The following LOC128462377 variants were observed in gnomAD, a reference collection of about 807,000 sequenced individuals.
the LOC128462377 span, among the ~76,000 whole-genome samples, chr16:89,399,525 G>A: frequency 6.6e-6 from 1 of 152,302 alleles, no homozygotes; most frequent in South Asian, 2.1e-4. Flanking sequence ...GGAGGGATGT[G>A]CAGCAGGAAC....
the LOC128462377 span, among the ~76,000 whole-genome samples, chr16:89,339,216 T>C: frequency 6.6e-6 from 1 of 152,238 alleles, no homozygotes; most frequent in Non-Finnish European, 1.5e-5. Context: ...TTCAGTCCAT[T>C]ATCACAATGA....
At chr16:89,344,874 A>G in the LOC128462377 span, among the ~76,000 whole-genome samples, 1 of 152,206 alleles carries the variant, frequency 6.6e-6, no homozygotes, top group Non-Finnish European at 1.5e-5. Context: ...CATCTTCAAG[A>G]GAACCTCAAA....
chr16:89,356,167 C>A, the LOC128462377 span, among the ~76,000 whole-genome samples: 1 of 152,206 alleles, frequency 6.6e-6, no homozygotes, highest in Admixed American at 6.5e-5. Flanking sequence ...TTTTAATTCT[C>A]ACGTTTCTGA....
chr16:89,388,369 A>G, the LOC128462377 span, among the ~76,000 whole-genome samples: 5 of 136,990 alleles, frequency 3.6e-5, no homozygotes, highest in African/African-American at 1.4e-4. Context: ...TGACCTCGTG[A>G]TCTGCCCGCC....
the LOC128462377 span, among the ~76,000 whole-genome samples, chr16:89,410,438 T>G: frequency 6.6e-6 from 1 of 152,014 alleles, no homozygotes; most frequent in African/African-American, 2.4e-5. Flanking sequence ...GTGTTGGGAG[T>G]GATGGTCTTA....
the LOC128462377 span, among the ~76,000 whole-genome samples, chr16:89,337,007 C>CA: frequency 0.035 from 1,682 of 47,720 alleles, 107 homozygotes; most frequent in East Asian, 0.058. Context: ...CTGGCTCTAC[C>CA]AAAAAAAAAA....
At chr16:89,330,560 G>A in the LOC128462377 span, among the ~76,000 whole-genome samples, 193 of 151,306 alleles carry the variant, frequency 1.3e-3, 1 homozygote, top group African/African-American at 4.5e-3. Context: ...GGGGTGGTGT[G>A]GGGGGGAGCC....
chr16:89,358,867 C>A, the LOC128462377 span, among the ~76,000 whole-genome samples: 1 of 152,014 alleles, frequency 6.6e-6, no homozygotes, highest in Non-Finnish European at 1.5e-5. Flanking sequence ...CCTCTGCTGC[C>A]CAGGCTGGAG....
At chr16:89,404,462 T>C in the LOC128462377 span, among the ~76,000 whole-genome samples, 88 of 152,336 alleles carry the variant, frequency 5.8e-4, no homozygotes, top group African/African-American at 2.0e-3. Flanking sequence ...AAAGGATTAA[T>C]AGCCACAAAA....
chr16:89,381,243 AATT>A, the LOC128462377 span, among the ~76,000 whole-genome samples: 1 of 150,860 alleles, frequency 6.6e-6, no homozygotes, highest in African/African-American at 2.4e-5. Flanking sequence ...GAGGCAGGAG[AATT>A]GCTTGAACCC....
chr16:89,325,146 G>C, the LOC128462377 span: 1 of 152,840 alleles, frequency 6.5e-6, no homozygotes, highest in Admixed American at 6.5e-5. Context: ...CACGCGTGAA[G>C]TGCTTCATAG....
chr16:89,370,927 A>G, the LOC128462377 span, among the ~76,000 whole-genome samples: 2 of 152,114 alleles, frequency 1.3e-5, no homozygotes, highest in Non-Finnish European at 2.9e-5. Flanking sequence ...TGCAGGCGCC[A>G]CGAGACGCCC....
At chr16:89,389,550 A>G in the LOC128462377 span, among the ~76,000 whole-genome samples, 1 of 152,328 alleles carries the variant, frequency 6.6e-6, no homozygotes, top group East Asian at 1.9e-4. Context: ...AGGAAAAGAC[A>G]CTGGAATGAA....
the LOC128462377 span, among the ~76,000 whole-genome samples, chr16:89,322,920 T>C: frequency 1.3e-5 from 2 of 152,254 alleles, no homozygotes; most frequent in Non-Finnish European, 2.9e-5. Flanking sequence ...CACAGCTCAC[T>C]GTAGCCTCCG....
chr16:89,374,942 A>G, the LOC128462377 span, among the ~76,000 whole-genome samples: 1 of 152,194 alleles, frequency 6.6e-6, no homozygotes, highest in Non-Finnish European at 1.5e-5. Flanking sequence ...AAAGTCAGAA[A>G]AAGTATGTCA....
chr16:89,355,236 G>A, the LOC128462377 span, among the ~76,000 whole-genome samples: 1,591 of 151,464 alleles, frequency 0.011, 24 homozygotes, highest in African/African-American at 0.037. Context: ...GAGGGAGGGC[G>A]GAGGGCTCAC....
the LOC128462377 span, among the ~76,000 whole-genome samples, chr16:89,387,943 G>A: frequency 6.7e-6 from 1 of 150,374 alleles, no homozygotes; most frequent in East Asian, 2.0e-4. Flanking sequence ...AACCCAGGAG[G>A]CAGAGGCTGC....
chr16:89,356,780 C>CAAAAAAA, the LOC128462377 span, among the ~76,000 whole-genome samples: 1 of 103,986 alleles, frequency 9.6e-6, no homozygotes, highest in African/African-American at 3.8e-5. Context: ...GACTCCGTCT[C>CAAAAAAA]AAAAAAAAAA....
the LOC128462377 span, among the ~76,000 whole-genome samples, chr16:89,391,938 GAAGC>G: frequency 6.6e-6 from 1 of 152,226 alleles, no homozygotes; most frequent in African/African-American, 2.4e-5. Flanking sequence ...TATACTGGTC[GAAGC>G]AAGCATTAGG....
Sources: gnomAD v4.1 joint callset for allele counts (sites outside exome capture counted in the v4.1 genomes callset) on GRCh38, gnomAD v4.1.1 for gene constraint, MANE v1.5 for transcripts.